The following UBE2E3 variants were observed in gnomAD, a reference collection of about 807,000 sequenced individuals.
The protein encoded by UBE2E3 is ubiquitin conjugating enzyme E2 E3.
A neutral mutation model predicts 23.6 loss-of-function variants in UBE2E3; 5 were observed. The ratio of observed to expected loss-of-function variants is 0.21; its 90% CI spans 0.11 to 0.44. The LOEUF is 0.44. Among genes scored for constraint, UBE2E3 ranks in the 20% least tolerant of loss-of-function variants. The probability of loss-of-function intolerance (pLI) is 0.99; values close to 1 mark genes in which losing one functional copy is unlikely to be tolerated. For synonymous variants in UBE2E3, 78 were observed against 87.5 expected, an observed-to-expected ratio of 0.89 and a Z score of 0.60; for missense variants, 81 against 249.8, an observed-to-expected ratio of 0.32 and a Z score of 4.55.
chr2:181,005,941 A>G (rs752379661), intron 3 of UBE2E3, among the ~76,000 whole-genome samples: 2 of 152,198 alleles, frequency 1.3e-5, no homozygotes, highest in Non-Finnish European at 2.9e-5. Context: ...ATTTCTTAGA[A>G]GAGGCTGTAG....
intron 3 of UBE2E3, among the ~76,000 whole-genome samples, chr2:181,005,167 G>A (rs1475444452): frequency 3.3e-5 from 5 of 152,190 alleles, no homozygotes; most frequent in African/African-American, 1.2e-4. Flanking sequence ...CATGCTGTCA[G>A]CATCTGATTT....
At chr2:181,002,523 A>G (rs917583654) in intron 3 of UBE2E3, among the ~76,000 whole-genome samples, 5 of 152,224 alleles carry the variant, frequency 3.3e-5, no homozygotes, top group African/African-American at 7.2e-5. Flanking sequence ...GTGCTTTCCA[A>G]TAAAAATGTA....
chr2:181,056,154 C>T (rs971361170), intron 3 of UBE2E3, among the ~76,000 whole-genome samples: 6 of 150,430 alleles, frequency 4.0e-5, no homozygotes, highest in African/African-American at 1.5e-4. Context: ...TCCCCATCAG[C>T]CAAATCTGCA....
intron 3 of UBE2E3, among the ~76,000 whole-genome samples, chr2:181,034,709 G>T (rs182035073): frequency 2.0e-5 from 3 of 151,912 alleles, no homozygotes; most frequent in African/African-American, 7.3e-5. Flanking sequence ...CCTGGAACTA[G>T]CATGTCAGAA....
intron 5 of UBE2E3, among the ~76,000 whole-genome samples, chr2:181,062,497 G>A (rs1196909739): frequency 6.6e-6 from 1 of 151,384 alleles, no homozygotes; most frequent in African/African-American, 2.4e-5. Flanking sequence ...TGAATGAAAG[G>A]CCAAAATTAC....
intron 3 of UBE2E3, among the ~76,000 whole-genome samples, chr2:181,052,456 C>T (rs1038114805): frequency 6.6e-6 from 1 of 151,856 alleles, no homozygotes; most frequent in South Asian, 2.1e-4. Context: ...GCAGGTTGGA[C>T]AAGTTTGCTA....
At chr2:181,001,576 A>G (rs1684992495) in intron 3 of UBE2E3, among the ~76,000 whole-genome samples, 1 of 152,174 alleles carries the variant, frequency 6.6e-6, no homozygotes, top group Non-Finnish European at 1.5e-5. Context: ...TAGGCAGAAA[A>G]GTGAAGAAAA....
intron 3 of UBE2E3, among the ~76,000 whole-genome samples, chr2:181,026,348 T>G (rs1202314160): frequency 3.4e-4 from 51 of 151,834 alleles, no homozygotes; most frequent in Middle Eastern, 3.4e-3. Context: ...AGATAATGAA[T>G]AAACCCTAGG....
chr2:180,982,521 G>A (rs1684332639), intron 2 of UBE2E3, among the ~76,000 whole-genome samples: 1 of 152,184 alleles, frequency 6.6e-6, no homozygotes, highest in Non-Finnish European at 1.5e-5. Flanking sequence ...AGTTGGCAAG[G>A]AAAATTTGGT....
chr2:181,003,842 A>G (rs1008952766), intron 3 of UBE2E3, among the ~76,000 whole-genome samples: 2 of 152,222 alleles, frequency 1.3e-5, no homozygotes, highest in Non-Finnish European at 2.9e-5. Flanking sequence ...GGTAGGTACT[A>G]TTCTAGGTAA....
At chr2:181,004,056 G>A (rs887857401) in intron 3 of UBE2E3, among the ~76,000 whole-genome samples, 1 of 152,206 alleles carries the variant, frequency 6.6e-6, no homozygotes, top group Non-Finnish European at 1.5e-5. Context: ...GAATGTGTGT[G>A]TGGGAAGGTC....
chr2:181,015,054 A>G, intron 3 of UBE2E3, among the ~76,000 whole-genome samples: 1 of 152,188 alleles, frequency 6.6e-6, no homozygotes, highest in East Asian at 1.9e-4. Context: ...CAATAGCTGC[A>G]AAGAAAAACG....
chr2:181,016,472 C>T (rs1023560250), intron 3 of UBE2E3, among the ~76,000 whole-genome samples: 45 of 152,046 alleles, frequency 3.0e-4, no homozygotes, highest in African/African-American at 1.5e-4. Flanking sequence ...TGTGGCAGGT[C>T]GTATCATTTT....
intron 3 of UBE2E3, among the ~76,000 whole-genome samples, chr2:181,056,610 G>T: frequency 6.6e-6 from 1 of 151,736 alleles, no homozygotes; most frequent in South Asian, 2.1e-4. Context: ...ATTCATGAGG[G>T]ATCTACCCCT....
At chr2:181,013,492 C>T (rs1196434555) in intron 3 of UBE2E3, among the ~76,000 whole-genome samples, 1 of 94,444 alleles carries the variant, frequency 1.1e-5, no homozygotes, top group African/African-American at 3.0e-5. Flanking sequence ...GGCAAATGGC[C>T]CTAGTTTCTT....
chr2:181,029,379 A>G (rs949706949), intron 3 of UBE2E3, among the ~76,000 whole-genome samples: 1 of 152,142 alleles, frequency 6.6e-6, no homozygotes, highest in African/African-American at 2.4e-5. Flanking sequence ...AGAAATTAGA[A>G]GTAGAATTCT....
chr2:180,987,015 T>C (rs564516252), intron 3 of UBE2E3, among the ~76,000 whole-genome samples: 21 of 152,240 alleles, frequency 1.4e-4, no homozygotes, highest in Admixed American at 1.2e-3. Flanking sequence ...TTATACATGT[T>C]TTAATATATT....
At chr2:181,019,045 C>A (rs940855913) in intron 3 of UBE2E3, among the ~76,000 whole-genome samples, 6 of 152,240 alleles carry the variant, frequency 3.9e-5, no homozygotes, top group Non-Finnish European at 7.4e-5. Flanking sequence ...CTCACTGCAA[C>A]CTCTGCCTCC....
At chr2:180,991,326 T>C (rs1559112935) in intron 3 of UBE2E3, among the ~76,000 whole-genome samples, 1 of 152,178 alleles carries the variant, frequency 6.6e-6, no homozygotes. Flanking sequence ...CATACATACC[T>C]ATGATACGTT....
Sources: allele counts gnomAD v4.1 joint callset (sites outside exome capture counted in the v4.1 genomes callset), GRCh38; gene constraint gnomAD v4.1.1; transcripts MANE v1.5; gene names NCBI Gene and HGNC (gene_info 2026-07-23, HGNC 2026-07-21).